The following ACTR10 variants were observed in gnomAD, a reference collection of about 807,000 sequenced individuals.
The protein encoded by ACTR10 is actin-related protein 10.
A neutral mutation model predicts 56.2 loss-of-function variants in ACTR10; 43 were observed. The observed-to-expected ratio is 0.77, with a 90% CI of 0.60 to 0.99. The LOEUF (loss-of-function observed/expected upper bound fraction) is 0.99. Among genes scored for constraint, ACTR10 ranks in the 50% least tolerant of loss-of-function variants. The pLI, the probability that ACTR10 is intolerant of heterozygous loss-of-function variation, is 0.00. For missense variants in ACTR10, 466 were observed against 507.8 expected, an observed-to-expected ratio of 0.92 and a Z score of 0.79; for synonymous variants, 170 against 176.3, an observed-to-expected ratio of 0.96 and a Z score of 0.28.
At chr14:58,205,920 G>T (rs1847869322) in intron 2 of ACTR10, among the ~76,000 whole-genome samples, 1 of 151,982 alleles carries the variant, frequency 6.6e-6, no homozygotes, top group African/African-American at 2.4e-5. Context: ...TACTCGGGAG[G>T]CTGAGGCAGG....
intron 2 of ACTR10, among the ~76,000 whole-genome samples, chr14:58,203,231 G>A (rs1405278419): frequency 6.6e-6 from 1 of 151,452 alleles, no homozygotes; most frequent in Non-Finnish European, 1.5e-5. Context: ...GAACCCGGGA[G>A]GCGGAGGTTG....
At chr14:58,216,068 A>C (rs1415068972) in intron 7 of ACTR10, among the ~76,000 whole-genome samples, 1 of 151,700 alleles carries the variant, frequency 6.6e-6, no homozygotes, top group East Asian at 1.9e-4. Flanking sequence ...TTATTACAGA[A>C]GTCTACTCTG....
intron 11 of ACTR10, 54 bp from the exon 12 acceptor site, chr14:58,232,012 A>G: frequency 8.6e-7 from 1 of 1,162,046 alleles, no homozygotes; most frequent in South Asian, 1.6e-5. Flanking sequence ...AGTTCAATCA[A>G]GCATTATTTG....
At position 58,215,274 on chromosome 14, in the gene ACTR10, C is replaced by G. The variant is rs1889106857; in HGVS notation, c.588C>G (p.Pro196=). 4 of 1,606,646 alleles carry G rather than the reference C, an allele frequency of 2.5e-6. No homozygotes were observed. Among genetic ancestry groups the G allele is most frequent in the Non-Finnish European group, 3.4e-6 (4 of 1,174,708 alleles). The part of the protein sequence containing the change: ...DTSVAKEQSL[P]SVMGSVPEGV... ...GTGTTGCTAAAGAACAGAGCCTTCC[C>G]TCAGTGATGGGTAAATTCATTTTAA... The change falls in exon 7 of 13, where the codon CCC becomes CCG. Residue 196 remains proline (P), a synonymous_variant. Transcript: ENST00000254286.
intron 11 of ACTR10, among the ~76,000 whole-genome samples, chr14:58,231,753 A>G (rs1889540454): frequency 6.6e-6 from 1 of 152,272 alleles, no homozygotes; most frequent in East Asian, 1.9e-4. Flanking sequence ...CTACTTAATC[A>G]TTGCTACCCT....
intron 3 of ACTR10, 52 bp from the exon 4 acceptor site, chr14:58,208,947 A>T: frequency 1.6e-6 from 2 of 1,242,128 alleles, no homozygotes; most frequent in Non-Finnish European, 2.3e-6. Context: ...TGTATGACTT[A>T]ACAAAATGAA....
chr14:58,220,730 T>C (rs1428095918), intron 8 of ACTR10, among the ~76,000 whole-genome samples: 1 of 152,126 alleles, frequency 6.6e-6, no homozygotes, highest in Non-Finnish European at 1.5e-5. Context: ...ATTAGTGAGA[T>C]TGTAGGAAAA....
At position 58,234,747 on chromosome 14, in the gene ACTR10, T is replaced by G. The variant is rs572256425; in HGVS notation, c.*196T>G. On this transcript the variant is annotated 3_prime_UTR_variant, in exon 13 of 13. Transcript: ENST00000254286. ...TAGTGGTAAAATGGTAGCTGGTGCT[T>G]ATTGAGATTTGCTGTATTTATATCA... 39 of 444,594 alleles carry G rather than the reference T, an allele frequency of 8.8e-5. No individual in the cohort carries two copies. In the South Asian group the frequency reaches 2.5e-3, roughly 29 times the overall value. 27.5% of individuals were successfully genotyped at this position (444,594 alleles called of 1,614,324 possible).
chr14:58,214,144 C>T (rs538902678), intron 6 of ACTR10, among the ~76,000 whole-genome samples: 2 of 152,056 alleles, frequency 1.3e-5, no homozygotes, highest in Non-Finnish European at 2.9e-5. Context: ...ATTAATTATC[C>T]TCACCTCCCT....
chr14:58,204,276 T>C (rs1888800863), intron 2 of ACTR10, among the ~76,000 whole-genome samples: 1 of 151,100 alleles, frequency 6.6e-6, no homozygotes, highest in African/African-American at 2.4e-5. Context: ...CCCAGCTACT[T>C]GGGAGGCTGA....
intron 11 of ACTR10, 23 bp from the exon 12 acceptor site, chr14:58,232,040 CCTT>C: frequency 6.5e-7 from 1 of 1,533,708 alleles, no homozygotes; most frequent in Non-Finnish European, 9.0e-7. Context: ...CAGAATAAAT[CCTT>C]CTTTTTTTCT....
intron 3 of ACTR10, among the ~76,000 whole-genome samples, 174 bp from the exon 4 acceptor site, chr14:58,208,825 C>T (rs776349981): frequency 3.3e-5 from 5 of 151,978 alleles, no homozygotes; most frequent in Non-Finnish European, 5.9e-5. Context: ...GCACACTGCA[C>T]GGTACATAGT....
chr14:58,208,120 T>G, intron 3 of ACTR10, 102 bp downstream of exon 3: 1 of 846,882 alleles, frequency 1.2e-6, no homozygotes, highest in South Asian at 2.1e-5. Context: ...AAAAAAAAAA[T>G]GGACTTCTAT....
At chr14:58,206,744 G>C (rs1285690074) in intron 2 of ACTR10, among the ~76,000 whole-genome samples, 3 of 152,152 alleles carry the variant, frequency 2.0e-5, no homozygotes, top group African/African-American at 7.2e-5. Context: ...GGCTGCTTTT[G>C]TGCTAATGGT....
At chr14:58,230,339 T>C in intron 10 of ACTR10, 60 bp from the exon 11 acceptor site, 1 of 901,056 alleles carries the variant, frequency 1.1e-6, no homozygotes, top group Non-Finnish European at 1.7e-6. Context: ...AATGGTGTAT[T>C]CTGTGTAATA....
intron 7 of ACTR10, 49 bp from the exon 8 acceptor site, chr14:58,219,643 CTG>C (rs769690232): frequency 1.9e-5 from 23 of 1,187,038 alleles, no homozygotes; most frequent in South Asian, 1.7e-4. Context: ...ATTTAATAGA[CTG>C]TTTTTAATTA....
Position 58,230,392 on chromosome 14 carries a change from C to G in ACTR10, c.789-7C>G. 6.5e-7 allele frequency: 1 copy of G among 1,543,708 alleles called. No homozygotes were observed. Among genetic ancestry groups the G allele is most frequent in the Non-Finnish European group, 8.8e-7 (1 of 1,141,246 alleles). On this transcript the variant is annotated splice_region_variant and splice_polypyrimidine_tract_variant and intron_variant, in intron 10 of 12. Transcript: ENST00000254286. The stretch of plus-strand genomic sequence containing the variant: ...AACAGAAAGCTCTCTTTTTCAAATC[C>G]CATTAGAGATTCAGTTGTGGAAATT...
intron 10 of ACTR10, among the ~76,000 whole-genome samples, chr14:58,227,345 A>G (rs1012684115): frequency 6.6e-6 from 1 of 152,172 alleles, no homozygotes; most frequent in Non-Finnish European, 1.5e-5. Flanking sequence ...AGCCTGGCCA[A>G]CATGGTGAAA....
rs1177889125 is a variant in ACTR10, at chr14:58,200,217, C to T, written c.-1C>T. The T allele has an allele frequency of 6.5e-7, 1 of 1,532,926 alleles. No individual in the cohort carries two copies. Among genetic ancestry groups the T allele is most frequent in the Non-Finnish European group, 8.8e-7 (1 of 1,140,672 alleles). 95.0% of individuals were successfully genotyped at this position (1,532,926 alleles called of 1,614,324 possible). ...CTCTTCTCTCAGTCTGCCTTACTACCATGCCGCTCTACGAGGGCCTGGGGA... is the reference window on the plus strand; with the variant it reads ...CTCTTCTCTCAGTCTGCCTTACTACTATGCCGCTCTACGAGGGCCTGGGGA... On this transcript the variant is annotated 5_prime_UTR_variant, in exon 1 of 13. Coordinates refer to ENST00000254286, the MANE Select transcript of ACTR10 (RefSeq NM_018477.3).
Sources: gnomAD v4.1 joint callset for allele counts (sites outside exome capture counted in the v4.1 genomes callset) on GRCh38, gnomAD v4.1.1 for gene constraint, MANE v1.5 for transcripts, NCBI Gene and HGNC (gene_info 2026-07-23, HGNC 2026-07-21) for gene names.